DNM3: variants seen among roughly 807,000 people sequenced by gnomAD.
The protein encoded by DNM3 is dynamin-3.
A neutral mutation model predicts 101.6 loss-of-function variants in DNM3; 47 were observed. That is an observed-to-expected ratio of 0.46 (90% confidence interval 0.37 to 0.59). The LOEUF is 0.59. Ranked by LOEUF, DNM3 falls within the 20% of genes least tolerant of loss-of-function variation. The pLI, the probability that DNM3 is intolerant of heterozygous loss-of-function variation, is 0.00. For missense variants in DNM3, 849 were observed against 1,085.7 expected, an observed-to-expected ratio of 0.78 and a Z score of 3.06; for synonymous variants, 385 against 387.9, an observed-to-expected ratio of 0.99 and a Z score of 0.09.
At chr1:171,968,732 G>A (rs182876408) in intron 2 of DNM3, among the ~76,000 whole-genome samples, 1 of 152,244 alleles carries the variant, frequency 6.6e-6, no homozygotes, top group African/African-American at 2.4e-5. Flanking sequence ...AATTATTATA[G>A]TTGGAGCGAA....
At chr1:171,878,543 T>C (rs532649364) in intron 1 of DNM3, among the ~76,000 whole-genome samples, 1 of 152,212 alleles carries the variant, frequency 6.6e-6, no homozygotes, top group African/African-American at 2.4e-5. Context: ...CCTCATGAAT[T>C]GGAGAGATTT....
intron 14 of DNM3, among the ~76,000 whole-genome samples, chr1:172,135,245 ATTGT>A (rs973654891): frequency 6.6e-6 from 1 of 152,162 alleles, no homozygotes; most frequent in Non-Finnish European, 1.5e-5. Context: ...ACCAGGAGAC[ATTGT>A]TTGTTCCCTG....
At chr1:172,397,666 A>G (rs9286854) in intron 20 of DNM3, among the ~76,000 whole-genome samples, 73,481 of 152,074 alleles carry the variant, frequency 0.48, 20,509 homozygotes, top group East Asian at 0.87. Context: ...TTAAAGCACA[A>G]TATCTTTGAA....
At chr1:172,118,509 T>C (rs144862327) in intron 13 of DNM3, among the ~76,000 whole-genome samples, 33 of 152,314 alleles carry the variant, frequency 2.2e-4, no homozygotes, top group African/African-American at 7.9e-4. Context: ...GATTCTCTGT[T>C]TGATATGTTT....
rs541058996 is a variant in DNM3 at position 172,387,467 on chromosome 1, C to T, written c.2285+108C>T. The T allele has an allele frequency of 2.9e-5, 26 of 894,572 alleles. 1 individual carries two copies. The Admixed American group carries it at 4.2e-4, about 15-fold the overall frequency. 55.4% of individuals were successfully genotyped at this position (894,572 alleles called of 1,614,324 possible). ...GGTCAGGAGATCGAGACCATCCTGG[C>T]GAACATAGTGAAACCCTGTCTCTAC... On this transcript the variant is annotated intron_variant, in intron 19 of 20. Coordinates refer to ENST00000627582, the MANE Select transcript of DNM3 (RefSeq NM_015569.5).
chr1:172,025,195 A>G (rs748824347), intron 4 of DNM3, among the ~76,000 whole-genome samples: 2 of 152,210 alleles, frequency 1.3e-5, no homozygotes, highest in Non-Finnish European at 2.9e-5. Context: ...GGAAGTTCCA[A>G]CTGGGTGGAG....
chr1:172,409,590 T>G lies in DNM3; in HGVS notation c.*1749T>G, dbSNP rs2071093997. On this transcript the variant is annotated 3_prime_UTR_variant, in exon 21 of 21. Transcript: ENST00000627582. ...TCGTATCTCACCCCAAACCCCAAAC[T>G]GGGGGAAAAAAAGTTAACTCTTTGT... 1.0e-6 allele frequency: 1 copy of G among 985,252 alleles called. No individual in the cohort carries two copies. The highest frequency in any genetic ancestry group is 1.2e-6 in the Non-Finnish European group (1 of 829,812). 61.0% of individuals were successfully genotyped at this position (985,252 alleles called of 1,614,324 possible).
chr1:172,087,405 A>G (rs1422405701), intron 12 of DNM3, among the ~76,000 whole-genome samples: 4 of 152,162 alleles, frequency 2.6e-5, no homozygotes, highest in African/African-American at 9.7e-5. Flanking sequence ...CTCCAAATCT[A>G]GATCTTCATT....
At chr1:171,975,708 G>C (rs1444210755) in intron 2 of DNM3, among the ~76,000 whole-genome samples, 1 of 152,202 alleles carries the variant, frequency 6.6e-6, no homozygotes, top group Non-Finnish European at 1.5e-5. Context: ...AGATTGTTTT[G>C]TAGAAACTGA....
intron 1 of DNM3, among the ~76,000 whole-genome samples, chr1:171,908,746 GA>G (rs1244017304): frequency 1.3e-5 from 2 of 152,094 alleles, no homozygotes; most frequent in African/African-American, 2.4e-5. Flanking sequence ...AACATTAACA[GA>G]TACCTCTATA....
intron 15 of DNM3, among the ~76,000 whole-genome samples, chr1:172,302,920 G>A (rs2064543193): frequency 6.6e-6 from 1 of 152,086 alleles, no homozygotes; most frequent in Non-Finnish European, 1.5e-5. Context: ...ACAAAGCTGG[G>A]GAGAAACCAG....
At chr1:172,121,161 G>A (rs1344497682) in intron 13 of DNM3, among the ~76,000 whole-genome samples, 3 of 151,994 alleles carry the variant, frequency 2.0e-5, no homozygotes, top group Non-Finnish European at 4.4e-5. Context: ...CCACATGGAG[G>A]GCCTATTAAC....
intron 10 of DNM3, among the ~76,000 whole-genome samples, chr1:172,058,575 C>T (rs2050855550): frequency 6.6e-6 from 1 of 152,176 alleles, no homozygotes; most frequent in Admixed American, 6.5e-5. Flanking sequence ...GGAAACTGAA[C>T]AACCTGCTCT....
intron 14 of DNM3, among the ~76,000 whole-genome samples, chr1:172,215,469 C>T (rs1023333199): frequency 3.3e-5 from 5 of 151,760 alleles, no homozygotes; most frequent in African/African-American, 7.3e-5. Context: ...ATAAACTTAG[C>T]GAAGTTTTCA....
intron 13 of DNM3, among the ~76,000 whole-genome samples, chr1:172,129,414 A>T (rs2056815234): frequency 1.3e-5 from 2 of 152,186 alleles, no homozygotes; most frequent in Admixed American, 6.6e-5. Flanking sequence ...AAGCATTTGA[A>T]TGATTGTAAT....
intron 1 of DNM3, among the ~76,000 whole-genome samples, chr1:171,914,550 C>T (rs944554440): frequency 2.0e-5 from 3 of 152,076 alleles, no homozygotes; most frequent in African/African-American, 7.2e-5. Flanking sequence ...TATTCCATGT[C>T]ATTAGACAGA....
At chr1:172,163,843 T>TTATTTCATATGTATG (rs1223402863) in intron 14 of DNM3, among the ~76,000 whole-genome samples, 229 of 152,200 alleles carry the variant, frequency 1.5e-3, no homozygotes, top group Non-Finnish European at 2.6e-3. Context: ...GAATATTTCA[T>TTATTTCATATGTATG]TATTTCATAT....
intron 14 of DNM3, among the ~76,000 whole-genome samples, chr1:172,227,138 A>G (rs755722599): frequency 8.6e-5 from 13 of 151,588 alleles, no homozygotes; most frequent in Non-Finnish European, 5.9e-5. Context: ...GCTCTCACTT[A>G]CAAGTGAGAA....
chr1:171,920,072 G>A (rs1157720568), intron 1 of DNM3, among the ~76,000 whole-genome samples: 4 of 152,160 alleles, frequency 2.6e-5, no homozygotes, highest in Non-Finnish European at 1.5e-5. Context: ...TGAAGTCAAT[G>A]AGAAAAGTCA....
Sources: gnomAD v4.1 joint callset for allele counts (sites outside exome capture counted in the v4.1 genomes callset) on GRCh38, gnomAD v4.1.1 for gene constraint, MANE v1.5 for transcripts, NCBI Gene and HGNC (gene_info 2026-07-23, HGNC 2026-07-21) for gene names.